THOC5: variants seen among roughly 807,000 people sequenced by gnomAD.
THOC5 encodes Fms-interacting protein.
In THOC5, 43 loss-of-function variants were observed where a neutral mutation model predicts 92.9. The observed-to-expected ratio is 0.46, with a 90% CI of 0.36 to 0.60. The LOEUF (loss-of-function observed/expected upper bound fraction) is 0.60. Ranked by LOEUF, THOC5 falls within the 20% of genes least tolerant of loss-of-function variation. The pLI is 0.00. For missense variants in THOC5, 659 were observed against 849.4 expected (o/e 0.78, Z 2.79); for synonymous variants, 296 against 320.1 (o/e 0.92, Z 0.80).
chr22:29,553,442 C>T (rs1436681832), intron 1 of THOC5: 1 of 152,740 alleles, frequency 6.5e-6, no homozygotes, highest in African/African-American at 2.4e-5. Flanking sequence ...CATCAGGCTA[C>T]ATTACCACAA....
At chr22:29,552,045 C>A (rs986699944) in intron 1 of THOC5, among the ~76,000 whole-genome samples, 2 of 152,192 alleles carry the variant, frequency 1.3e-5, no homozygotes, top group African/African-American at 4.8e-5. Context: ...CCTCGGCCTC[C>A]CGAGGTGCCA....
At chr22:29,517,748 G>GA (rs557376165) in intron 15 of THOC5, among the ~76,000 whole-genome samples, 75 of 152,352 alleles carry the variant, frequency 4.9e-4, no homozygotes, top group African/African-American at 1.8e-3. Context: ...GGAAACAACT[G>GA]AAGTGTTGTG....
chr22:29,528,953 C>T, intron 9 of THOC5: 1 of 582,976 alleles, frequency 1.7e-6, no homozygotes, highest in Non-Finnish European at 3.0e-6. Context: ...CGGGGTCAGT[C>T]AGCTAGTGAG....
chr22:29,528,051 C>A (rs1365985220), intron 11 of THOC5, 27 bp downstream of exon 11: 8 of 1,612,342 alleles, frequency 5.0e-6, no homozygotes, highest in Non-Finnish European at 5.9e-6. Flanking sequence ...GCTACAGATC[C>A]CTTAAACAAG....
At chr22:29,548,554 C>CA (rs201212466) in intron 2 of THOC5, among the ~76,000 whole-genome samples, 1 of 152,010 alleles carries the variant, frequency 6.6e-6, no homozygotes, top group South Asian at 2.1e-4. Flanking sequence ...GACCCTGTCT[C>CA]AAAAAAAATT....
intron 17 of THOC5, among the ~76,000 whole-genome samples, chr22:29,515,973 A>G (rs2063325537): frequency 6.6e-6 from 1 of 152,132 alleles, no homozygotes. Flanking sequence ...ACAAAAAAAC[A>G]AAAACAAAAA....
At chr22:29,526,255 A>G (rs548833982) in intron 11 of THOC5, among the ~76,000 whole-genome samples, 11 of 152,172 alleles carry the variant, frequency 7.2e-5, no homozygotes, top group South Asian at 2.1e-4. Context: ...AAAATCGGCC[A>G]GGCGCGGTGG....
chr22:29,517,229 G>C, intron 16 of THOC5, 34 bp downstream of exon 16: 1 of 1,609,754 alleles, frequency 6.2e-7, no homozygotes, highest in Non-Finnish European at 8.5e-7. Flanking sequence ...CAATCCTCAG[G>C]ACAGTAAGGG....
chr22:29,517,835 GT>G (rs1429282152), intron 15 of THOC5, among the ~76,000 whole-genome samples: 2 of 152,188 alleles, frequency 1.3e-5, no homozygotes, highest in Non-Finnish European at 2.9e-5. Flanking sequence ...TGCCAACACA[GT>G]AAGTACTGTC....
chr22:29,514,379 C>G (rs1356722315), intron 17 of THOC5, among the ~76,000 whole-genome samples: 1 of 149,208 alleles, frequency 6.7e-6, no homozygotes, highest in Non-Finnish European at 1.5e-5. Context: ...TGCAGTGGCG[C>G]CATCTCAGCT....
At chr22:29,545,332 TC>T (rs1217888402) in intron 2 of THOC5, among the ~76,000 whole-genome samples, 2 of 152,026 alleles carry the variant, frequency 1.3e-5, no homozygotes, top group African/African-American at 4.8e-5. Context: ...ACCATATCAT[TC>T]CGCCCCTGGC....
At chr22:29,524,227 C>T (rs1164934184) in intron 12 of THOC5, among the ~76,000 whole-genome samples, 1 of 152,202 alleles carries the variant, frequency 6.6e-6, no homozygotes, top group Non-Finnish European at 1.5e-5. Flanking sequence ...CTACCTGTGA[C>T]CTTGAGGCTA....
intron 8 of THOC5, among the ~76,000 whole-genome samples, chr22:29,530,095 A>C (rs1371810929): frequency 6.6e-6 from 1 of 151,808 alleles, no homozygotes; most frequent in Non-Finnish European, 1.5e-5. Flanking sequence ...GTGAACCAAG[A>C]TCATGCTACT....
chr22:29,529,229 T>A lies in THOC5; in HGVS notation c.858A>T (p.Leu286Phe), dbSNP rs2063604865. The change falls in exon 9 of 20, where the codon TTA (leucine) becomes TTT (phenylalanine). Residue 286 changes from leucine to phenylalanine, a missense_variant. By Grantham distance (22) the Leu-to-Phe change is conservative. Transcript: ENST00000490103. ...TAYGQACDKT[L>F]SVAIEGSVDE... ...CCACACTGCCTTCGATTGCCACAGA[T>A]AACGTCTTATCTGGGGGGCAAGAAG... is the stretch of plus-strand genomic sequence containing the variant. 1 of 1,614,048 alleles carries A rather than the reference T, an allele frequency of 6.2e-7. No homozygotes were observed. Among genetic ancestry groups the A allele is most frequent in the Non-Finnish European group, 8.5e-7 (1 of 1,180,022 alleles).
intron 19 of THOC5, among the ~76,000 whole-genome samples, chr22:29,510,828 C>T (rs2063208980): frequency 6.6e-6 from 1 of 152,190 alleles, no homozygotes; most frequent in African/African-American, 2.4e-5. Context: ...CGAGGATGCA[C>T]ACAGTTTAAA....
chr22:29,540,285 C>T (rs1297852757), intron 5 of THOC5, among the ~76,000 whole-genome samples: 1 of 152,170 alleles, frequency 6.6e-6, no homozygotes, highest in Non-Finnish European at 1.5e-5. Flanking sequence ...AAAATCCAAC[C>T]CTCTTTGCTG....
At chr22:29,531,236 A>T in intron 8 of THOC5, 1 of 1,022,718 alleles carries the variant, frequency 9.8e-7, no homozygotes, top group Non-Finnish European at 1.2e-6. Flanking sequence ...GGTGCGGTGT[A>T]TGTCTGTCTG....
Position 29,511,226 on chromosome 22 carries a change from G to A in THOC5, c.1868C>T (p.Thr623Ile). The A allele has an allele frequency of 2.5e-6, 4 of 1,614,228 alleles. No individual in the cohort carries two copies. The highest frequency in any genetic ancestry group is 3.4e-6 in the Non-Finnish European group (4 of 1,180,042). Residue 623 changes from threonine to isoleucine, a missense_variant, in exon 19 of 20, where the codon ACC becomes ATC. By Grantham distance (89) the Thr-to-Ile change is moderately conservative (BLOSUM62 -1). Coordinates refer to ENST00000490103, the MANE Select transcript of THOC5 (RefSeq NM_003678.5). ...CACACACAGCCGCTGCAGCTGGTTG[G>A]TCAACAGCTGGTGGCTGGGCCAAGG... ...CGPWPSHQLL[T>I]NQLQRLCVLL...
At chr22:29,541,733 C>T (rs1317000480) in intron 5 of THOC5, among the ~76,000 whole-genome samples, 5 of 148,414 alleles carry the variant, frequency 3.4e-5, no homozygotes, top group African/African-American at 7.4e-5. Context: ...TGGTGGCAAG[C>T]GCCTGTAGTC....
Sources: allele counts gnomAD v4.1 joint callset (sites outside exome capture counted in the v4.1 genomes callset), GRCh38; gene constraint gnomAD v4.1.1; transcripts MANE v1.5; gene names NCBI Gene and HGNC (gene_info 2026-07-23, HGNC 2026-07-21).